PFKFB3: variants seen among roughly 807,000 people sequenced by gnomAD.
PFKFB3 encodes the protein 6-phosphofructo-2-kinase/fructose-2,6-biphosphatase 3.
In PFKFB3, 33 loss-of-function variants were observed where a neutral mutation model predicts 68.0. That is an observed-to-expected ratio of 0.49 (90% confidence interval 0.37 to 0.65). The LOEUF (loss-of-function observed/expected upper bound fraction) is 0.65, where lower values mean the gene tolerates loss of function less well. PFKFB3 is among the 30% of genes least tolerant of loss of function. The pLI, the probability that PFKFB3 is intolerant of heterozygous loss-of-function variation, is 0.00. For synonymous variants in PFKFB3, 315 were observed against 288.2 expected (o/e 1.09, Z -0.94); for missense variants, 586 against 712.2 (o/e 0.82, Z 2.02).
At chr10:6,176,674 C>T (rs1166736461) in intron 1 of PFKFB3, among the ~76,000 whole-genome samples, 1 of 152,190 alleles carries the variant, frequency 6.6e-6, no homozygotes, top group Non-Finnish European at 1.5e-5. Context: ...ACTTGCACCA[C>T]CACACCCGGC....
At chr10:6,165,966 C>CA (rs1199190553) in intron 1 of PFKFB3, among the ~76,000 whole-genome samples, 1 of 149,762 alleles carries the variant, frequency 6.7e-6, no homozygotes, top group Non-Finnish European at 1.5e-5. Context: ...AGGCGTGGAT[C>CA]ACCAGGCTCA....
chr10:6,324,817 A>G, the PFKFB3 span, among the ~76,000 whole-genome samples: 1 of 152,038 alleles, frequency 6.6e-6, no homozygotes, highest in African/African-American at 2.4e-5. Flanking sequence ...CCACAATTTA[A>G]AGGAAAAAAA....
At position 6,213,647 on chromosome 10, in the gene PFKFB3, C is replaced by T. The variant is rs1299006022; in HGVS notation, c.101C>T (p.Ser34Phe). The change falls in exon 2 of 15, where the codon TCC becomes TTC. Residue 34 changes from serine (S) to phenylalanine (F), a missense_variant. Transcript: ENST00000379775. Reference sequence around the variant, plus strand: ...GCCTGTGGGCCAAAGCTGACCAACTCCCCCACCGTCATCGTCATGGTGGGC... The same window carrying T: ...GCCTGTGGGCCAAAGCTGACCAACTTCCCCACCGTCATCGTCATGGTGGGC... ...PRSCGPKLTNSPTVIVMVGLP... is the reference protein window; with the variant it reads ...PRSCGPKLTNFPTVIVMVGLP... 3 of 1,613,114 alleles carry T rather than the reference C, an allele frequency of 1.9e-6. No homozygotes were observed. Among genetic ancestry groups the T allele is most frequent in the African/African-American group, 1.3e-5 (1 of 74,908 alleles).
chr10:6,179,814 C>T (rs1452013466), intron 1 of PFKFB3, among the ~76,000 whole-genome samples: 2 of 152,110 alleles, frequency 1.3e-5, no homozygotes, highest in Admixed American at 1.3e-4. Flanking sequence ...CCCACCTTCC[C>T]CAAAGGCTGC....
chr10:6,155,303 T>C lies in PFKFB3; in HGVS notation c.16+10290T>C, dbSNP rs188142776. Among the ~76,000 whole-genome samples the C allele has an allele frequency of 8.9e-3, 1,342 of 151,002 alleles. 12 individuals are homozygous for C. Among genetic ancestry groups the C allele is most frequent in the African/African-American group, 0.028 (1,165 of 41,216 alleles). On this transcript the variant is annotated intron_variant, in intron 1 of 14. Transcript: ENST00000379789. ...CTGCAAGCTCCGCCTCCCGGGTTCA[T>C]GCCATTCTCCTGCCTCAGCCTCCCG...
At chr10:6,320,146 A>AG in the PFKFB3 span, among the ~76,000 whole-genome samples, 1 of 152,186 alleles carries the variant, frequency 6.6e-6, no homozygotes, top group Non-Finnish European at 1.5e-5. Flanking sequence ...GGCTACAGTG[A>AG]GCTGTGATCA....
the PFKFB3 span, among the ~76,000 whole-genome samples, chr10:6,304,095 C>A: frequency 6.6e-6 from 1 of 152,126 alleles, no homozygotes; most frequent in Non-Finnish European, 1.5e-5. Context: ...AGTTTTAGTG[C>A]CCCAGAGACG....
chr10:6,291,945 G>GTTTTT, the PFKFB3 span, among the ~76,000 whole-genome samples: 4 of 94,348 alleles, frequency 4.2e-5, no homozygotes, highest in African/African-American at 8.6e-5. Flanking sequence ...GAAACCAGTG[G>GTTTTT]TTTTTTTTTT....
intron 5 of PFKFB3, 123 bp downstream of exon 5, chr10:6,216,903 C>A: frequency 1.2e-6 from 1 of 826,196 alleles, no homozygotes; most frequent in Non-Finnish European, 2.0e-6. Flanking sequence ...CCTGCTCGGT[C>A]CCTCCCCTCC....
rs1564623176 is a variant in PFKFB3, at chr10:6,210,347, TTTTTTTTTGTTTTTTTG to T, written c.77-3267_77-3251del. Among the ~76,000 whole-genome samples, 55 of 29,836 alleles carry T rather than the reference TTTTTTTTTGTTTTTTTG, an allele frequency of 1.8e-3. 12 individuals carry two copies. In the South Asian group the frequency reaches 0.12, roughly 63 times the overall value. The allele number at this position is 29,836 out of a possible 152,430, so 19.6% of individuals were successfully genotyped here. On this transcript the variant is annotated intron_variant, in intron 1 of 14. Transcript: ENST00000379775. ...GCGCCCCTCTCTTTGTTTTTTTTTG[TTTTTTTTTGTTTTTTTG>T]TTTTTTTTTTTTTTGAGACGAAGTT...
chr10:6,285,964 C>A, the PFKFB3 span, among the ~76,000 whole-genome samples: 3 of 146,578 alleles, frequency 2.0e-5, no homozygotes, highest in African/African-American at 7.5e-5. Context: ...GTTGACCATC[C>A]TTTCACTGTT....
chr10:6,284,524 C>A, the PFKFB3 span, among the ~76,000 whole-genome samples: 1 of 152,144 alleles, frequency 6.6e-6, no homozygotes, highest in Non-Finnish European at 1.5e-5. Context: ...TTAGTGTTAG[C>A]ACATAATATT....
At chr10:6,283,219 C>T in the PFKFB3 span, among the ~76,000 whole-genome samples, 4 of 152,164 alleles carry the variant, frequency 2.6e-5, no homozygotes, top group Admixed American at 2.0e-4. Context: ...CCACCCGCCT[C>T]GGCCTCCCAA....
chr10:6,147,546 G>A (rs1841432056), intron 1 of PFKFB3, among the ~76,000 whole-genome samples: 1 of 152,224 alleles, frequency 6.6e-6, no homozygotes, highest in Admixed American at 6.5e-5. Context: ...AAACCGTAAG[G>A]GATAGTGCAG....
At chr10:6,170,851 C>G (rs1422302345) in intron 1 of PFKFB3, among the ~76,000 whole-genome samples, 1 of 151,412 alleles carries the variant, frequency 6.6e-6, no homozygotes, top group African/African-American at 2.4e-5. Context: ...GGATAAAGTC[C>G]AAAGAGATTA....
chr10:6,249,178 T>TAAAAAAAAA lies in PFKFB3; in HGVS notation c.1516-4983_1516-4975dup, dbSNP rs71391803. ...AACAAGAGCAAAACTCCGTCTCAAT[T>TAAAAAAAAA]AAAAAAAAAAAAAAAAAAAAAAAAA... On this transcript the variant is annotated intron_variant, in intron 14 of 14. Transcript: ENST00000640683. 6.4e-3 allele frequency among the ~76,000 whole-genome samples: 489 copies of TAAAAAAAAA among 76,760 alleles called. 3 individuals carry two copies. The highest frequency in any genetic ancestry group is 0.011 in the East Asian group (36 of 3,270). 50.4% of individuals were successfully genotyped at this position (76,760 alleles called of 152,430 possible).
Position 6,217,343 on chromosome 10 carries a change from C to T in PFKFB3, c.498+152C>T, listed in dbSNP as rs1251733409. On this transcript the variant is annotated intron_variant, in intron 6 of 14. Coordinates refer to ENST00000379775, the MANE Select transcript of PFKFB3 (RefSeq NM_004566.4). Reference sequence around the variant, plus strand: ...GCTGGCTGTTGATTGGGAGGTCAGACCTACAGAGCGGTTTTTAACCCAGAG... The same window carrying T: ...GCTGGCTGTTGATTGGGAGGTCAGATCTACAGAGCGGTTTTTAACCCAGAG... 4.5e-5 allele frequency: 33 copies of T among 727,218 alleles called. No individual in the cohort carries two copies. The East Asian group carries it at 7.4e-4, about 16-fold the overall frequency. The allele number at this position is 727,218 out of a possible 1,614,324, so 45.0% of individuals were successfully genotyped here. A position where few individuals can be genotyped will look rare whatever the true frequency, so the allele number is the denominator to read the frequency against.
chr10:6,221,770 A>G (rs541675620), intron 10 of PFKFB3, 25 bp downstream of exon 10: 3 of 1,492,112 alleles, frequency 2.0e-6, no homozygotes, highest in East Asian at 4.6e-5. Flanking sequence ...GGGCGGGCTG[A>G]CGGTCCCCAG....
chr10:6,299,039 A>G, the PFKFB3 span, among the ~76,000 whole-genome samples: 8 of 152,098 alleles, frequency 5.3e-5, no homozygotes, highest in Admixed American at 1.3e-4. Context: ...CACTCAAATG[A>G]TATTGATTGC....
Sources: gnomAD v4.1 joint callset for allele counts (sites outside exome capture counted in the v4.1 genomes callset) on GRCh38, gnomAD v4.1.1 for gene constraint, MANE v1.5 for transcripts, NCBI Gene and HGNC (gene_info 2026-07-23, HGNC 2026-07-21) for gene names.